Variants in LRP1B observed in about 807,000 individuals in gnomAD.
LRP1B encodes LDL receptor related protein 1B.
In LRP1B, 217 loss-of-function variants were observed where a neutral mutation model predicts 556.6. The observed-to-expected ratio is 0.39, with a 90% CI of 0.35 to 0.44. The LOEUF is 0.44. Among genes scored for constraint, LRP1B ranks in the 20% least tolerant of loss-of-function variants. LRP1B has a pLI of 1.00. For synonymous variants in LRP1B, 2,047 were observed against 1,865.8 expected (o/e 1.10, Z -2.50); for missense variants, 5,053 against 5,620.8 (o/e 0.90, Z 3.23).
At chr2:140,878,413 TAATAC>T (rs1693374113) in intron 25 of LRP1B, among the ~76,000 whole-genome samples, 1 of 152,072 alleles carries the variant, frequency 6.6e-6, no homozygotes, top group Non-Finnish European at 1.5e-5. Flanking sequence ...AATCACAAAA[TAATAC>T]AATATGTTGC....
intron 31 of LRP1B, among the ~76,000 whole-genome samples, chr2:140,817,531 A>T (rs1019037048): frequency 6.6e-6 from 1 of 151,902 alleles, no homozygotes; most frequent in Non-Finnish European, 1.5e-5. Context: ...TTACTGAGAC[A>T]ATGAAAATTG....
intron 3 of LRP1B, among the ~76,000 whole-genome samples, chr2:141,290,420 T>C (rs1685898009): frequency 6.6e-6 from 1 of 152,164 alleles, no homozygotes; most frequent in Non-Finnish European, 1.5e-5. Context: ...GTTTATATGG[T>C]ACATACCTTT....
chr2:140,279,793 TACTA>T (rs1180061591), intron 84 of LRP1B, among the ~76,000 whole-genome samples: 1 of 151,896 alleles, frequency 6.6e-6, no homozygotes. Flanking sequence ...ACTTAATAGT[TACTA>T]AATAAACACC....
intron 35 of LRP1B, among the ~76,000 whole-genome samples, chr2:140,742,603 T>C (rs1036676396): frequency 5.3e-5 from 8 of 151,954 alleles, no homozygotes; most frequent in African/African-American, 1.4e-4. Flanking sequence ...TTTAATCTAT[T>C]ATAAATTTTT....
intron 3 of LRP1B, among the ~76,000 whole-genome samples, chr2:141,460,413 G>A (rs1273340316): frequency 2.0e-5 from 3 of 152,146 alleles, no homozygotes; most frequent in African/African-American, 4.8e-5. Context: ...TGGCAATTAT[G>A]GGGCTGAGAA....
intron 32 of LRP1B, among the ~76,000 whole-genome samples, chr2:140,804,818 T>C (rs1690656228): frequency 6.6e-6 from 1 of 152,064 alleles, no homozygotes; most frequent in African/African-American, 2.4e-5. Flanking sequence ...CTTGAGCAAC[T>C]GAACATGACA....
intron 55 of LRP1B, among the ~76,000 whole-genome samples, chr2:140,499,148 C>T (rs1689075170): frequency 6.6e-6 from 1 of 151,798 alleles, no homozygotes; most frequent in Admixed American, 6.6e-5. Flanking sequence ...AGGAATGTTT[C>T]AAGATACTTA....
rs1054261874 is a variant in LRP1B, at chr2:140,825,177, T to C, written c.5210-11371A>G. 2.6e-5 allele frequency among the ~76,000 whole-genome samples: 4 copies of C among 152,250 alleles called. No individual in the cohort carries two copies. In the East Asian group the frequency reaches 7.7e-4, roughly 29 times the overall value. Reference sequence around the variant, plus strand: ...TTCTTGGAAAACAACACTTGGCTTATTAGATAGGAGTGAGTGAACTAAACT... The same window carrying C: ...TTCTTGGAAAACAACACTTGGCTTACTAGATAGGAGTGAGTGAACTAAACT... On this transcript the variant is annotated intron_variant, in intron 31 of 90. Transcript: ENST00000389484.
At chr2:140,704,874 TGAGTG>T (rs1441693630) in intron 37 of LRP1B, among the ~76,000 whole-genome samples, 4 of 152,186 alleles carry the variant, frequency 2.6e-5, no homozygotes, top group African/African-American at 9.6e-5. Flanking sequence ...AATATTATTT[TGAGTG>T]AACAGATCAA....
intron 3 of LRP1B, among the ~76,000 whole-genome samples, chr2:141,255,832 T>C (rs2679447): frequency 0.15 from 22,395 of 151,598 alleles, 1,708 homozygotes; most frequent in South Asian, 0.22. Flanking sequence ...ACATCATATG[T>C]AAAAATCCCA....
intron 1 of LRP1B, among the ~76,000 whole-genome samples, chr2:141,968,422 T>G (rs760991477): frequency 3.2e-4 from 48 of 151,712 alleles, no homozygotes; most frequent in Non-Finnish European, 6.8e-4. Flanking sequence ...TTCCCTAAAT[T>G]CCTTCATTTT....
intron 2 of LRP1B, among the ~76,000 whole-genome samples, chr2:141,700,986 G>A (rs1455167176): frequency 2.0e-5 from 3 of 151,726 alleles, no homozygotes; most frequent in Non-Finnish European, 4.4e-5. Context: ...ATCTCCTCAA[G>A]TTTCTTCTCA....
chr2:140,722,741 C>T (rs759844580), intron 35 of LRP1B, among the ~76,000 whole-genome samples: 1 of 152,106 alleles, frequency 6.6e-6, no homozygotes, highest in Non-Finnish European at 1.5e-5. Flanking sequence ...GCAAGATAAA[C>T]TATTATTAAA....
In LRP1B at chr2:141,974,611, C is replaced by T. The variant is rs188863902; in HGVS notation, c.82+156037G>A. Among the ~76,000 whole-genome samples, 186 of 151,966 alleles carry T rather than the reference C, an allele frequency of 1.2e-3. 3 individuals carry two copies. The South Asian group carries it at 0.013, about 11-fold the overall frequency. On this transcript the variant is annotated intron_variant, in intron 1 of 90. Transcript: ENST00000389484. ...GGTAATATGTGTAAATGTAAACACG[C>T]GTTATGTGGAAAAACTACAGGAAAA... is the stretch of plus-strand genomic sequence containing the variant.
chr2:141,007,594 A>C (rs1028869352), intron 14 of LRP1B, among the ~76,000 whole-genome samples: 9 of 151,776 alleles, frequency 5.9e-5, no homozygotes, highest in African/African-American at 2.2e-4. Context: ...CATAGGATGC[A>C]CTGTTATTCT....
intron 2 of LRP1B, among the ~76,000 whole-genome samples, chr2:141,764,220 G>A (rs1040411775): frequency 4.6e-5 from 7 of 151,828 alleles, no homozygotes; most frequent in African/African-American, 1.7e-4. Context: ...TTGCTCTCAC[G>A]CCCAGGCTGG....
intron 1 of LRP1B, among the ~76,000 whole-genome samples, chr2:141,958,087 A>G (rs897622411): frequency 2.0e-5 from 3 of 152,038 alleles, no homozygotes; most frequent in African/African-American, 7.2e-5. Context: ...CTTCAGAGAG[A>G]CAAGTCATTT....
chr2:141,293,706 G>C (rs532208310), intron 3 of LRP1B, among the ~76,000 whole-genome samples: 20 of 149,198 alleles, frequency 1.3e-4, no homozygotes, highest in African/African-American at 4.7e-4. Flanking sequence ...TCCAAACCCA[G>C]AATACATTTA....
At position 141,984,358 on chromosome 2, in the gene LRP1B, C is replaced by T. The variant is rs555257213; in HGVS notation, c.82+146290G>A. 8.8e-4 allele frequency among the ~76,000 whole-genome samples: 104 copies of T among 118,800 alleles called. 1 individual carries two copies. Among genetic ancestry groups the T allele is most frequent in the Middle Eastern group, 3.8e-3 (1 of 260 alleles). The allele number at this position is 118,800 out of a possible 152,430, so 77.9% of individuals were successfully genotyped here. On this transcript the variant is annotated intron_variant, in intron 1 of 90. Transcript: ENST00000389484. ...AAAAAAAGAATAAAGTTTGAGAGTA[C>T]CAGGAAAATTGATGAAAGGTATGTG...
Sources: gnomAD v4.1 joint callset for allele counts (sites outside exome capture counted in the v4.1 genomes callset) on GRCh38, gnomAD v4.1.1 for gene constraint, MANE v1.5 for transcripts, NCBI Gene and HGNC (gene_info 2026-07-23, HGNC 2026-07-21) for gene names.